Variants in ZNF71 observed in about 807,000 individuals in gnomAD.
The protein encoded by ZNF71 is zinc finger protein 71.
In ZNF71, 3 loss-of-function variants were observed where a neutral mutation model predicts 6.7. The ratio of observed to expected loss-of-function variants is 0.45; its 90% CI spans 0.20 to 1.16. The LOEUF (loss-of-function observed/expected upper bound fraction) is 1.16, where lower values mean the gene tolerates loss of function less well. Ranked by LOEUF, ZNF71 falls within the 50% of genes most tolerant of loss-of-function variation. ZNF71 has a pLI of 0.25. For missense variants in ZNF71, 688 were observed against 728.6 expected, an observed-to-expected ratio of 0.94 and a Z score of 0.64; for synonymous variants, 343 against 311.1, an observed-to-expected ratio of 1.10 and a Z score of -1.08.
chr19:56,604,440 A>G (rs1040313160), intron 2 of ZNF71, among the ~76,000 whole-genome samples: 7 of 152,244 alleles, frequency 4.6e-5, no homozygotes, highest in African/African-American at 1.7e-4. Context: ...TATATTAAAT[A>G]TCAACATTAA....
At chr19:56,612,029 T>C (rs893015463) in intron 2 of ZNF71, among the ~76,000 whole-genome samples, 5 of 152,164 alleles carry the variant, frequency 3.3e-5, no homozygotes, top group African/African-American at 1.2e-4. Context: ...ATGGCCATTA[T>C]TAAAAAGTCA....
chr19:56,614,435 A>C (rs2044775319), intron 3 of ZNF71, among the ~76,000 whole-genome samples: 1 of 152,234 alleles, frequency 6.6e-6, no homozygotes, highest in South Asian at 2.1e-4. Flanking sequence ...CTTATCAGTC[A>C]AATATTGAAG....
chr19:56,623,405 T>A lies in ZNF71; in HGVS notation c.*648T>A, dbSNP rs902045676. The A allele has an allele frequency of 6.0e-6, 1 of 167,118 alleles. No homozygotes were observed. Among genetic ancestry groups the A allele is most frequent in the African/African-American group, 2.4e-5 (1 of 41,448 alleles). 10.4% of individuals were successfully genotyped at this position (167,118 alleles called of 1,614,324 possible). A position where few individuals can be genotyped will look rare whatever the true frequency, so the allele number is the denominator to read the frequency against. ...TCTTAGAGTGGTCTGTTACGTTTTT[T>A]AAAAATAAAACTTTTAATTAAGGGA... On this transcript the variant is annotated 3_prime_UTR_variant, in exon 4 of 4. Transcript: ENST00000599599.
rs2044869778 is a variant in ZNF71, at chr19:56,622,597, C to G, written c.1490C>G (p.Pro497Arg). 1.2e-6 allele frequency: 2 copies of G among 1,613,678 alleles called. No individual in the cohort carries two copies. Among genetic ancestry groups the G allele is most frequent in the Non-Finnish European group, 1.7e-6 (2 of 1,179,648 alleles). The change falls in exon 4 of 4, where the codon CCG becomes CGG. Residue 497 changes from proline to arginine, a missense_variant. Coordinates refer to ENST00000599599, the MANE Select transcript of ZNF71 (RefSeq NM_001370215.1). ...EHQRIHTGEK[P>R]YRCGQCGKSF... ...CAGCGGATCCACACCGGCGAGAAGCCGTACAGGTGCGGCCAGTGCGGGAAG... is the reference window on the plus strand; with the variant it reads ...CAGCGGATCCACACCGGCGAGAAGCGGTACAGGTGCGGCCAGTGCGGGAAG...
At position 56,595,851 on chromosome 19, in the gene ZNF71, GTT is replaced by G. The variant is rs1491446244; in HGVS notation, c.-53+425_-53+426del. On this transcript the variant is annotated intron_variant, in intron 1 of 3. Transcript: ENST00000599599. ...CTGGATATTGTGATTGTGTGTGTGTGTTTGTGTGTGTGTGTGTGTGTGTGTGT... is the reference window on the plus strand; with the variant it reads ...CTGGATATTGTGATTGTGTGTGTGTGTGTGTGTGTGTGTGTGTGTGTGTGT... 4.4e-4 allele frequency among the ~76,000 whole-genome samples: 58 copies of G among 132,252 alleles called. No individual in the cohort carries two copies. The South Asian group carries it at 5.9e-3, about 13-fold the overall frequency. 86.8% of individuals were successfully genotyped at this position (132,252 alleles called of 152,430 possible).
At chr19:56,615,732 G>A (rs1353970139) in intron 3 of ZNF71, among the ~76,000 whole-genome samples, 1 of 152,092 alleles carries the variant, frequency 6.6e-6, no homozygotes, top group East Asian at 1.9e-4. Flanking sequence ...CTCCCATTCT[G>A]TGGATTGTGT....
At chr19:56,614,759 A>T (rs892305901) in intron 3 of ZNF71, among the ~76,000 whole-genome samples, 1 of 152,232 alleles carries the variant, frequency 6.6e-6, no homozygotes, top group African/African-American at 2.4e-5. Context: ...ACGCATATAT[A>T]AAGTGAAGAG....
rs950828442 is a variant in ZNF71, at chr19:56,618,096, A to G, written c.161-3172A>G. Among the ~76,000 whole-genome samples, 2 of 152,126 alleles carry G rather than the reference A, an allele frequency of 1.3e-5. No individual in the cohort carries two copies. The highest frequency in any genetic ancestry group is 6.5e-5 in the Admixed American group (1 of 15,282). On this transcript the variant is annotated intron_variant, in intron 3 of 3. Transcript: ENST00000599599. This position sits in a 1 kb window ranked among gnomAD's most constrained non-coding sequence, Gnocchi z 4.6. ...CCCTGACTAGGGTCTCTAAACCACAATCATTCTCCTGCATGAAGTATTTCT... is the reference window on the plus strand; with the variant it reads ...CCCTGACTAGGGTCTCTAAACCACAGTCATTCTCCTGCATGAAGTATTTCT...
At chr19:56,616,345 A>G (rs985788693) in intron 3 of ZNF71, among the ~76,000 whole-genome samples, 4 of 152,204 alleles carry the variant, frequency 2.6e-5, no homozygotes, top group Admixed American at 1.3e-4. Flanking sequence ...TTGTCCATAC[A>G]AGTGTGGGTC....
chr19:56,610,852 C>G (rs2044746677), intron 2 of ZNF71, among the ~76,000 whole-genome samples: 1 of 152,090 alleles, frequency 6.6e-6, no homozygotes, highest in Non-Finnish European at 1.5e-5. Context: ...CAAGGTTCAC[C>G]CATGTTGTAG....
At chr19:56,604,943 A>G (rs1053029595) in intron 2 of ZNF71, among the ~76,000 whole-genome samples, 4 of 152,192 alleles carry the variant, frequency 2.6e-5, no homozygotes, top group Non-Finnish European at 4.4e-5. Context: ...AGTGTCTTAC[A>G]TAAATAAGTG....
chr19:56,616,954 C>G (rs1412606561), intron 3 of ZNF71, among the ~76,000 whole-genome samples: 2 of 152,110 alleles, frequency 1.3e-5, no homozygotes, highest in African/African-American at 4.8e-5. Flanking sequence ...TTGTTTTAGG[C>G]TCAAGGGAAT....
intron 1 of ZNF71, among the ~76,000 whole-genome samples, chr19:56,597,148 A>G (rs1036630045): frequency 6.6e-6 from 1 of 152,144 alleles, no homozygotes; most frequent in Admixed American, 6.5e-5. Context: ...TATGATTTTA[A>G]AAGAAATTAA....
In ZNF71 at chr19:56,618,453, G is replaced by A. The variant is rs548415698; in HGVS notation, c.161-2815G>A. Among the ~76,000 whole-genome samples the A allele has an allele frequency of 6.9e-4, 105 of 152,322 alleles. No individual in the cohort carries two copies. Among genetic ancestry groups the A allele is most frequent in the African/African-American group, 2.3e-3 (95 of 41,576 alleles). On this transcript the variant is annotated intron_variant, in intron 3 of 3. Coordinates refer to ENST00000599599, the MANE Select transcript of ZNF71 (RefSeq NM_001370215.1). The surrounding 1 kb of genome is among the most constrained non-coding windows in gnomAD (Gnocchi z 4.6). The stretch of plus-strand genomic sequence containing the variant: ...CTTCTGTGTGCAGGCTGTGTGAGGA[G>A]CTGGGGGGTGAGCAAGGCCCTTGCC...
rs536740347 is a variant in ZNF71 at position 56,601,543 on chromosome 19, C to G, written c.-16C>G. The G allele has an allele frequency of 1.2e-5, 12 of 985,780 alleles. No individual in the cohort carries two copies. In the African/African-American group the frequency reaches 1.2e-4, roughly 10 times the overall value. The allele number at this position is 985,780 out of a possible 1,614,324, so 61.1% of individuals were successfully genotyped here. A position where few individuals can be genotyped will look rare whatever the true frequency, so the allele number is the denominator to read the frequency against. On this transcript the variant is annotated 5_prime_UTR_variant, in exon 2 of 4. Coordinates refer to ENST00000599599, the MANE Select transcript of ZNF71 (RefSeq NM_001370215.1). The stretch of plus-strand genomic sequence containing the variant: ...ACCGCAGGCCTGTCTTCCTATTCAC[C>G]GTGGGCAGCAGAGGGATGGCTGCTC...
chr19:56,621,774 T>C lies in ZNF71; in HGVS notation c.667T>C (p.Cys223Arg), dbSNP rs767880766. 3.1e-6 allele frequency: 5 copies of C among 1,614,058 alleles called. No homozygotes were observed. Among genetic ancestry groups the C allele is most frequent in the South Asian group, 1.1e-5 (1 of 91,086 alleles). ...TGEKPFECDT[C>R]GKHFIERSSL... ...AGAAAAGCCGTTTGAGTGTGACACC[T>C]GTGGGAAGCACTTCATCGAGCGCTC... Residue 223 changes from cysteine (C) to arginine (R), a missense_variant, in exon 4 of 4, where the codon TGT becomes CGT. By Grantham distance (180) the Cys-to-Arg change is radical. Transcript: ENST00000599599.
At chr19:56,620,443 G>A (rs754337109) in intron 3 of ZNF71, among the ~76,000 whole-genome samples, 3 of 152,148 alleles carry the variant, frequency 2.0e-5, no homozygotes, top group African/African-American at 4.8e-5. Context: ...AAAGTGGGTC[G>A]AAGGAGTAGA....
chr19:56,621,819 C>T lies in ZNF71; in HGVS notation c.712C>T (p.Arg238Trp), dbSNP rs748854480. Residue 238 changes from arginine to tryptophan, a missense_variant, in exon 4 of 4, where the codon CGG (arginine) becomes TGG (tryptophan). Coordinates refer to ENST00000599599, the MANE Select transcript of ZNF71 (RefSeq NM_001370215.1). ...GCGCTCGTCCCTCACCATCCACCAG[C>T]GGGTGCACACGGGCGAGAAGCCCTA... Reference protein sequence around the residue: ...IERSSLTIHQRVHTGEKPYAC... With the variant: ...IERSSLTIHQWVHTGEKPYAC... 4 of 1,612,062 alleles carry T rather than the reference C, an allele frequency of 2.5e-6. No homozygotes were observed. The highest frequency in any genetic ancestry group is 4.5e-5 in the East Asian group (2 of 44,878).
chr19:56,596,558 G>C (rs953419195), intron 1 of ZNF71, among the ~76,000 whole-genome samples: 21 of 152,198 alleles, frequency 1.4e-4, no homozygotes, highest in Admixed American at 7.2e-4. Flanking sequence ...TCTTCTTAAA[G>C]TGGGATCAGA....
Sources: gnomAD v4.1 joint callset for allele counts (sites outside exome capture counted in the v4.1 genomes callset) on GRCh38, gnomAD v4.1.1 for gene constraint, Gnocchi (gnomAD v3.1) non-coding constraint, MANE v1.5 for transcripts, NCBI Gene and HGNC (gene_info 2026-07-23, HGNC 2026-07-21) for gene names.